AHNAK2: variants seen among roughly 807,000 people sequenced by gnomAD.
AHNAK2 encodes the protein protein AHNAK2.
A neutral mutation model predicts 30.7 loss-of-function variants in AHNAK2; 18 were observed. The observed-to-expected ratio is 0.59, with a 90% CI of 0.41 to 0.87. The LOEUF (loss-of-function observed/expected upper bound fraction) is 0.87, where lower values mean the gene tolerates loss of function less well. Among genes scored for constraint, AHNAK2 ranks in the 40% least tolerant of loss-of-function variants. AHNAK2 has a pLI of 0.00. For missense variants in AHNAK2, 8,604 were observed against 7,373.0 expected (o/e 1.17, Z -6.11); for synonymous variants, 3,590 against 3,073.8 (o/e 1.17, Z -5.56).
At position 104,948,451 on chromosome 14, in the gene AHNAK2, CA is replaced by C; in HGVS notation, c.6999del (p.Gly2334AlafsTer13). ...TCCGCTGAGGCCTCGATGGACTTGC[CA>C]AGGGCAGACACCCCAAACGACAGCA... ...FKMLSFGVSA[L>X]GKSIEASADV... is the part of the protein sequence containing the mutation. On this transcript the variant is annotated frameshift_variant, in exon 7 of 7. Coordinates refer to ENST00000333244, the MANE Select transcript of AHNAK2 (RefSeq NM_138420.4). LOFTEE classifies it low-confidence loss of function (END_TRUNC). 1 of 1,610,704 alleles carries C rather than the reference CA, an allele frequency of 6.2e-7. No individual in the cohort carries two copies.
rs200761412 is a variant in AHNAK2 at position 104,948,586 on chromosome 14, T to C, written c.6865A>G (p.Lys2289Glu). The part of the protein sequence containing the change: ...VSLPSVEVDV[K>E]APGAKLDGAR... ...CCATCCAGCTTGGCTCCTGGGGCCT[T>C]GACGTCCACCTCCACGCTGGGCAGA... Residue 2289 changes from lysine to glutamate, a missense_variant, in exon 7 of 7, where the codon AAG becomes GAG. Coordinates refer to ENST00000333244, the MANE Select transcript of AHNAK2 (RefSeq NM_138420.4). The C allele has an allele frequency of 2.9e-4, 465 of 1,608,728 alleles. 8 individuals carry two copies. In the East Asian group the frequency reaches 6.1e-3, roughly 21 times the overall value.
intron 5 of AHNAK2, 79 bp downstream of exon 5, chr14:104,955,404 A>G (rs1241510052): frequency 1.3e-6 from 2 of 1,522,856 alleles, no homozygotes; most frequent in African/African-American, 1.4e-5. Context: ...TGTGGTTCTT[A>G]CCCCTCAATA....
In AHNAK2 at chr14:104,950,443, C is replaced by T. The variant is rs779260352; in HGVS notation, c.5008G>A (p.Val1670Met). 40 of 1,586,674 alleles carry T rather than the reference C, an allele frequency of 2.5e-5. 7 individuals carry two copies. Among genetic ancestry groups the T allele is most frequent in the African/African-American group, 1.8e-4 (13 of 72,646 alleles). The change falls in exon 7 of 7, where the codon GTG becomes ATG. Residue 1670 changes from valine to methionine, a missense_variant. Val to Met is a conservative substitution (Grantham distance 21, BLOSUM62 1). Coordinates refer to ENST00000333244, the MANE Select transcript of AHNAK2 (RefSeq NM_138420.4). ...TCGATGGACTTGCCTGGGGCCGACA[C>T]CCCAAATGATGGCATCTTGAACTTG... ...MPKFKMPSFG[V>M]SAPGKSIEAS...
At chr14:104,975,617 C>T (rs976362613) in intron 1 of AHNAK2, among the ~76,000 whole-genome samples, 4 of 152,198 alleles carry the variant, frequency 2.6e-5, no homozygotes, top group Non-Finnish European at 5.9e-5. Context: ...CCAAAGCGTG[C>T]GACATTCTGC....
At position 104,938,008 on chromosome 14, in the gene AHNAK2, C is replaced by G; in HGVS notation, c.*55G>C. 6.4e-7 allele frequency: 1 copy of G among 1,563,004 alleles called. No homozygotes were observed. Reference sequence around the variant, plus strand: ...GGGGTGCTCCATATGTGTGTGTAGCCTTTACTTTCCAACTTAGTTTTTTGC... The same window carrying G: ...GGGGTGCTCCATATGTGTGTGTAGCGTTTACTTTCCAACTTAGTTTTTTGC... On this transcript the variant is annotated 3_prime_UTR_variant, in exon 7 of 7. Transcript: ENST00000333244.
At chr14:104,963,784 T>C (rs2582498) in intron 1 of AHNAK2, among the ~76,000 whole-genome samples, 23,214 of 148,744 alleles carry the variant, frequency 0.16, 3,283 homozygotes, top group East Asian at 0.53. Flanking sequence ...GAGCTGAGAT[T>C]GCGCCACTGC....
At position 104,949,366 on chromosome 14, in the gene AHNAK2, C is replaced by A; in HGVS notation, c.6085G>T (p.Gly2029Trp). Residue 2029 changes from glycine to tryptophan, a missense_variant, in exon 7 of 7, where the codon GGG becomes TGG. Physicochemically the swap from Gly to Trp is radical, Grantham distance 184. Transcript: ENST00000333244. Reference protein sequence around the residue: ...EADVSLPSMQGDLKTTDLSIQ... With the variant: ...EADVSLPSMQWDLKTTDLSIQ... ...CTGAGGTCAGTGGTCTTCAGGTCCCCCTGCATGGAGGGGAGACTCACGTCG... is the reference window on the plus strand; with the variant it reads ...CTGAGGTCAGTGGTCTTCAGGTCCCACTGCATGGAGGGGAGACTCACGTCG... 6.3e-7 allele frequency: 1 copy of A among 1,576,814 alleles called. No homozygotes were observed. The highest frequency in any genetic ancestry group is 1.4e-5 in the African/African-American group (1 of 73,080).
rs1427263744 is a variant in AHNAK2, at chr14:104,946,341, A to G, written c.9110T>C (p.Val3037Ala). The change falls in exon 7 of 7, where the codon GTC (valine) becomes GCC (alanine). Residue 3037 changes from valine (V) to alanine (A), a missense_variant. Transcript: ENST00000333244. Reference sequence around the variant, plus strand: ...CTTCAGGTCCACCTGGCCAGCCTGGACCTCCAGTTGGGCAGAGGGGGGCTC... The same window carrying G: ...CTTCAGGTCCACCTGGCCAGCCTGGGCCTCCAGTTGGGCAGAGGGGGGCTC... Reference protein sequence around the residue: ...SIEPPSAQLEVQAGQVDLKLP... With the variant: ...SIEPPSAQLEAQAGQVDLKLP... The G allele has an allele frequency of 2.5e-6, 4 of 1,611,132 alleles. No homozygotes were observed. Among genetic ancestry groups the G allele is most frequent in the Non-Finnish European group, 2.5e-6 (3 of 1,179,062 alleles).
At chr14:104,976,814 TG>T (rs1163022742) in intron 1 of AHNAK2, among the ~76,000 whole-genome samples, 2 of 152,046 alleles carry the variant, frequency 1.3e-5, no homozygotes, top group Non-Finnish European at 2.9e-5. Context: ...GCAGGGAAGC[TG>T]GGGGCAGGGT....
chr14:104,949,602 G>A lies in AHNAK2; in HGVS notation c.5849C>T (p.Ser1950Phe). ...GACATCCACCTCCATGCTGGGCAGA[G>A]ACACCTCGACATCGGGGGCTGTCAC... ...AEVTAPDVEV[S>F]LPSMEVDVQA... The change falls in exon 7 of 7, where the codon TCT (serine) becomes TTT (phenylalanine). Residue 1950 changes from serine to phenylalanine, a missense_variant. Transcript: ENST00000333244. The A allele has an allele frequency of 3.8e-6, 6 of 1,589,162 alleles. 1 individual carries two copies. The highest frequency in any genetic ancestry group is 5.2e-6 in the Non-Finnish European group (6 of 1,163,452).
At position 104,945,748 on chromosome 14, in the gene AHNAK2, T is replaced by C. The variant is rs760199075; in HGVS notation, c.9703A>G (p.Lys3235Glu). The C allele has an allele frequency of 5.0e-6, 8 of 1,597,220 alleles. 1 individual carries two copies. In the South Asian group the frequency reaches 7.8e-5, roughly 15 times the overall value. Reference sequence around the variant, plus strand: ...CCCTTGCGATCTACTTTGGGCATCTTGAAACTGGGCATCTGCAACTTGGGC... The same window carrying C: ...CCCTTGCGATCTACTTTGGGCATCTCGAAACTGGGCATCTGCAACTTGGGC... ...HLPKLQMPSFKMPKVDRKGPQ... is the reference protein window; with the variant it reads ...HLPKLQMPSFEMPKVDRKGPQ... The change falls in exon 7 of 7, where the codon AAG becomes GAG. Residue 3235 changes from lysine to glutamate, a missense_variant. Lys to Glu is a moderately conservative substitution (Grantham distance 56, BLOSUM62 1). Coordinates refer to ENST00000333244, the MANE Select transcript of AHNAK2 (RefSeq NM_138420.4).
chr14:104,958,549 TAAAG>T (rs776395573), intron 1 of AHNAK2, among the ~76,000 whole-genome samples: 11 of 152,156 alleles, frequency 7.2e-5, no homozygotes, highest in Non-Finnish European at 1.5e-4. Context: ...GAGAATCTCA[TAAAG>T]AAATAAAACT....
chr14:104,971,263 G>A (rs970265843), intron 1 of AHNAK2, among the ~76,000 whole-genome samples: 5 of 151,780 alleles, frequency 3.3e-5, no homozygotes, highest in Admixed American at 6.6e-5. Context: ...TCCAGGTGAC[G>A]CCACCACACC....
chr14:104,960,020 T>A (rs971894237), intron 1 of AHNAK2, among the ~76,000 whole-genome samples: 2 of 152,198 alleles, frequency 1.3e-5, no homozygotes, highest in Non-Finnish European at 2.9e-5. Flanking sequence ...CAAAAGCAGC[T>A]ATAGATTATA....
rs200273508 is a variant in AHNAK2, at chr14:104,951,730, C to T, written c.3721G>A (p.Gly1241Ser). 551 of 1,246,792 alleles carry T rather than the reference C, an allele frequency of 4.4e-4. 116 individuals are homozygous for T. In the African/African-American group the frequency reaches 4.9e-3, roughly 11 times the overall value. The allele number at this position is 1,246,792 out of a possible 1,614,324, so 77.2% of individuals were successfully genotyped here. Residue 1241 changes from glycine to serine, a missense_variant, in exon 7 of 7, where the codon GGC becomes AGC. Transcript: ENST00000333244. ...LLEGHVPEGA[G>S]FKGHLPKVQM... is the part of the protein sequence containing the mutation. ...ACCTTGGGCAGGTGCCCTTTGAAGC[C>T]GGCTCCCTCAGGCACGTGGCCCTCC... is the stretch of plus-strand genomic sequence containing the variant.
Position 104,939,256 on chromosome 14 carries a change from G to C in AHNAK2, c.16195C>G (p.Pro5399Ala). Residue 5399 changes from proline (P) to alanine (A), a missense_variant, in exon 7 of 7, where the codon CCC (proline) becomes GCC (alanine). Physicochemically the swap from Pro to Ala is conservative, Grantham distance 27 (BLOSUM62 -1). Coordinates refer to ENST00000333244, the MANE Select transcript of AHNAK2 (RefSeq NM_138420.4). ...ATGAACACATCATCCTCTGAGCTGG[G>C]GGCAGGGAAGGAGAACCTTGGTACC... is the stretch of plus-strand genomic sequence containing the variant. ...LMVPRFSFPA[P>A]SSEDDVFIPT... 1 of 1,613,904 alleles carries C rather than the reference G, an allele frequency of 6.2e-7. No individual in the cohort carries two copies. Among genetic ancestry groups the C allele is most frequent in the Non-Finnish European group, 8.5e-7 (1 of 1,179,904 alleles).
Position 104,940,538 on chromosome 14 carries a change from T to A in AHNAK2, c.14913A>T (p.Thr4971=), listed in dbSNP as rs1341487595. The A allele has an allele frequency of 3.1e-6, 5 of 1,613,588 alleles. No individual in the cohort carries two copies. The highest frequency in any genetic ancestry group is 4.2e-6 in the Non-Finnish European group (5 of 1,179,822). ...PSFRWSPKKE[T]GPKVDPECSV... ...TGCATTCTGGGTCCACCTTTGGCCC[T>A]GTTTCCTTCTTCGGGGACCACCTAA... Residue 4971 remains threonine, a synonymous_variant, in exon 7 of 7, where the codon ACA becomes ACT. Coordinates refer to ENST00000333244, the MANE Select transcript of AHNAK2 (RefSeq NM_138420.4). This position sits in a 1 kb window ranked among gnomAD's most constrained non-coding sequence, Gnocchi z 4.4.
In AHNAK2 at chr14:104,941,628, G is replaced by T. The variant is rs369348146; in HGVS notation, c.13823C>A (p.Ala4608Glu). The T allele has an allele frequency of 6.2e-7, 1 of 1,613,308 alleles. No homozygotes were observed. The highest frequency in any genetic ancestry group is 8.5e-7 in the Non-Finnish European group (1 of 1,179,844). ...VQAPGSMLDG[A>E]RLEGDLSLAH... The stretch of plus-strand genomic sequence containing the variant: ...CAGGGACAGGTCCCCCTCAAGCCGC[G>T]CACCATCCAGCATGGATCCTGGGGC... Residue 4608 changes from alanine (A) to glutamate (E), a missense_variant, in exon 7 of 7, where the codon GCG (alanine) becomes GAG (glutamate). Coordinates refer to ENST00000333244, the MANE Select transcript of AHNAK2 (RefSeq NM_138420.4).
rs141399488 is a variant in AHNAK2, at chr14:104,945,214, T to C, written c.10237A>G (p.Ile3413Val). The C allele has an allele frequency of 1.4e-3, 2,245 of 1,612,394 alleles. 7 individuals are homozygous for C. Among genetic ancestry groups the C allele is most frequent in the Non-Finnish European group, 1.8e-3 (2,129 of 1,179,438 alleles). ...KVDLKSPQVD[I>V]KGPKLDLKVP... ...TTTAGGTCCAGCTTGGGGCCCTTGA[T>C]GTCCACCTGGGGGCTCTTGAGGTCC... Residue 3413 changes from isoleucine to valine, a missense_variant, in exon 7 of 7, where the codon ATC becomes GTC. Coordinates refer to ENST00000333244, the MANE Select transcript of AHNAK2 (RefSeq NM_138420.4).
Sources: allele counts gnomAD v4.1 joint callset (sites outside exome capture counted in the v4.1 genomes callset), GRCh38; gene constraint gnomAD v4.1.1; non-coding constraint Gnocchi (gnomAD v3.1); transcripts MANE v1.5; gene names NCBI Gene and HGNC (gene_info 2026-07-23, HGNC 2026-07-21).